Variants in DCLK3 observed in about 807,000 individuals in gnomAD.
The protein encoded by DCLK3 is serine/threonine-protein kinase DCLK3.
A neutral mutation model predicts 46.4 loss-of-function variants in DCLK3; 30 were observed. The observed-to-expected ratio is 0.65, with a 90% CI of 0.48 to 0.88. The LOEUF (loss-of-function observed/expected upper bound fraction) is 0.88. DCLK3 is among the 40% of genes least tolerant of loss of function. The probability of loss-of-function intolerance (pLI) is 0.00; values close to 1 mark genes in which losing one functional copy is unlikely to be tolerated. For synonymous variants in DCLK3, 401 were observed against 339.2 expected (o/e 1.18, Z -2.00); for missense variants, 846 against 907.1 (o/e 0.93, Z 0.87).
intron 2 of DCLK3, among the ~76,000 whole-genome samples, chr3:36,730,862 G>A (rs1385151678): frequency 6.6e-6 from 1 of 151,962 alleles, no homozygotes; most frequent in East Asian, 1.9e-4. Flanking sequence ...ATTAAGATGT[G>A]AGGAGCAAGT....
chr3:36,749,365 T>A (rs1361088464), intron 1 of DCLK3, among the ~76,000 whole-genome samples: 4 of 152,170 alleles, frequency 2.6e-5, no homozygotes, highest in Non-Finnish European at 5.9e-5. Context: ...CTAGGGGCCC[T>A]CCCCGCCCCA....
chr3:36,761,296 C>A (rs1368929784), intron 1 of DCLK3, among the ~76,000 whole-genome samples: 3 of 152,158 alleles, frequency 2.0e-5, no homozygotes, highest in African/African-American at 7.2e-5. Flanking sequence ...TCAAAGAACA[C>A]TCTGAGGCTG....
rs1394492938 is a variant in DCLK3, at chr3:36,721,608, G to A, written c.2011C>T (p.Leu671Phe). ...ATAGGTCTCACCACATGCTTTGCAA[G>A]TCCAAAATCAGCCAATTTCAAGGTA... ...STTLKLADFG[L>F]AKHVVRPIFT... The change falls in exon 3 of 5, where the codon CTT becomes TTT. Residue 671 changes from leucine to phenylalanine, a missense_variant. Leu to Phe is a conservative substitution (Grantham distance 22, BLOSUM62 0). Coordinates refer to ENST00000636136, the MANE Select transcript of DCLK3 (RefSeq NM_001394672.2). 1 of 1,614,186 alleles carries A rather than the reference G, an allele frequency of 6.2e-7. No individual in the cohort carries two copies. Among genetic ancestry groups the A allele is most frequent in the East Asian group, 2.2e-5 (1 of 44,880 alleles).
rs548828981 is a variant in DCLK3 at position 36,734,485 on chromosome 3, G to T, written c.1959+2723C>A. Reference sequence around the variant, plus strand: ...GCAGCTTTCTACAGTTTCTGAAGAAGCCATACCACCACAAAAAAAGTTATT... The same window carrying T: ...GCAGCTTTCTACAGTTTCTGAAGAATCCATACCACCACAAAAAAAGTTATT... On this transcript the variant is annotated intron_variant, in intron 2 of 4. Coordinates refer to ENST00000636136, the MANE Select transcript of DCLK3 (RefSeq NM_001394672.2). Among the ~76,000 whole-genome samples, 3 of 152,120 alleles carry T rather than the reference G, an allele frequency of 2.0e-5. No individual in the cohort carries two copies. In the South Asian group the frequency reaches 6.2e-4, roughly 32 times the overall value.
rs763250329 is a variant in DCLK3 at position 36,714,122 on chromosome 3, T to C, written c.*1206A>G. 1.3e-5 allele frequency: 2 copies of C among 152,274 alleles called. No individual in the cohort carries two copies. Among genetic ancestry groups the C allele is most frequent in the Non-Finnish European group, 2.9e-5 (2 of 68,062 alleles). The allele number at this position is 152,274 out of a possible 1,614,324, so 9.4% of individuals were successfully genotyped here. On this transcript the variant is annotated 3_prime_UTR_variant, in exon 5 of 5. Transcript: ENST00000636136. The stretch of plus-strand genomic sequence containing the variant: ...AACAGGAGCCACTTCCTGCAGTTAC[T>C]ATCTCTAAATTATACCAGAGCCTCC...
At chr3:36,733,103 C>T (rs973880439) in intron 2 of DCLK3, among the ~76,000 whole-genome samples, 1 of 152,142 alleles carries the variant, frequency 6.6e-6, no homozygotes, top group Non-Finnish European at 1.5e-5. Flanking sequence ...TTCCTAGAAC[C>T]AGCAGGAGGC....
rs192972168 is a variant in DCLK3 at position 36,744,335 on chromosome 3, T to A, written c.83-5251A>T. On this transcript the variant is annotated intron_variant, in intron 1 of 4. Transcript: ENST00000636136. ...TCCTGAATACATTAGATAAGTGAGGTGAAAAGAAAATATAATCACAAACAT... is the reference window on the plus strand; with the variant it reads ...TCCTGAATACATTAGATAAGTGAGGAGAAAAGAAAATATAATCACAAACAT... 1.8e-3 allele frequency among the ~76,000 whole-genome samples: 274 copies of A among 152,164 alleles called. 1 individual carries two copies. Among genetic ancestry groups the A allele is most frequent in the Non-Finnish European group, 3.0e-3 (204 of 67,986 alleles).
At chr3:36,759,387 G>A (rs912569854) in intron 1 of DCLK3, among the ~76,000 whole-genome samples, 1 of 152,266 alleles carries the variant, frequency 6.6e-6, no homozygotes, top group East Asian at 1.9e-4. Flanking sequence ...ATCTCTTCCT[G>A]CACTGGTGAC....
At position 36,721,865 on chromosome 3, in the gene DCLK3, T is replaced by C. The variant is rs575044597; in HGVS notation, c.1960-206A>G. ...TTAAGAACCAATGAGTTAGATTTAC[T>C]AGGCCGTCCAATATGGTAGCACCAT... On this transcript the variant is annotated intron_variant, in intron 2 of 4. Coordinates refer to ENST00000636136, the MANE Select transcript of DCLK3 (RefSeq NM_001394672.2). Among the ~76,000 whole-genome samples the C allele has an allele frequency of 3.9e-5, 6 of 152,328 alleles. No homozygotes were observed. In the East Asian group the frequency reaches 9.6e-4, roughly 24 times the overall value.
intron 3 of DCLK3, among the ~76,000 whole-genome samples, chr3:36,720,647 G>A (rs1483294715): frequency 2.6e-5 from 4 of 152,022 alleles, no homozygotes; most frequent in Non-Finnish European, 5.9e-5. Flanking sequence ...TCAGATTACA[G>A]GCATGTGCCA....
chr3:36,760,195 C>T (rs1015652401), intron 1 of DCLK3, among the ~76,000 whole-genome samples: 3 of 152,138 alleles, frequency 2.0e-5, no homozygotes, highest in African/African-American at 4.8e-5. Context: ...GAGGCCTGAA[C>T]CCTCCCCATC....
At chr3:36,749,691 G>A (rs964288783) in intron 1 of DCLK3, among the ~76,000 whole-genome samples, 9 of 152,178 alleles carry the variant, frequency 5.9e-5, no homozygotes, top group Non-Finnish European at 1.0e-4. Context: ...AAACTTCCAC[G>A]ATCCATTCAT....
chr3:36,746,349 C>T (rs958338079), intron 1 of DCLK3, among the ~76,000 whole-genome samples: 1 of 152,194 alleles, frequency 6.6e-6, no homozygotes, highest in African/African-American at 2.4e-5. Context: ...TTGACTGCTC[C>T]ATCTCATGAT....
chr3:36,714,069 C>G lies in DCLK3; in HGVS notation c.*1259G>C, dbSNP rs1201794544. The G allele has an allele frequency of 6.6e-6, 1 of 152,204 alleles. No individual in the cohort carries two copies. The highest frequency in any genetic ancestry group is 2.4e-5 in the African/African-American group (1 of 41,448). 9.4% of individuals were successfully genotyped at this position (152,204 alleles called of 1,614,324 possible). A position where few individuals can be genotyped will look rare whatever the true frequency, so the allele number is the denominator to read the frequency against. ...TTCTCCTTCAATAGGTTCTAATAACCCCAACTTCTTCCCTTGGTTCTCCAA... is the reference window on the plus strand; with the variant it reads ...TTCTCCTTCAATAGGTTCTAATAACGCCAACTTCTTCCCTTGGTTCTCCAA... On this transcript the variant is annotated 3_prime_UTR_variant, in exon 5 of 5. Coordinates refer to ENST00000636136, the MANE Select transcript of DCLK3 (RefSeq NM_001394672.2).
chr3:36,746,133 C>T (rs534241628), intron 1 of DCLK3, among the ~76,000 whole-genome samples: 1 of 152,288 alleles, frequency 6.6e-6, no homozygotes, highest in African/African-American at 2.4e-5. Context: ...GAGACTTTTT[C>T]CTGCTCTTAT....
rs925650241 is a variant in DCLK3, at chr3:36,712,551, G to T, written c.*2777C>A. ...TTATTACATTCAAGAAAATGAACAC[G>T]TCCCTCTTCCCCAAAGTTACCAAGT... is the stretch of plus-strand genomic sequence containing the variant. On this transcript the variant is annotated 3_prime_UTR_variant, in exon 5 of 5. Coordinates refer to ENST00000636136, the MANE Select transcript of DCLK3 (RefSeq NM_001394672.2). 6.6e-6 allele frequency: 1 copy of T among 152,004 alleles called. No individual in the cohort carries two copies. Among genetic ancestry groups the T allele is most frequent in the African/African-American group, 2.4e-5 (1 of 41,370 alleles). 9.4% of individuals were successfully genotyped at this position (152,004 alleles called of 1,614,324 possible).
chr3:36,726,682 T>C (rs995518406), intron 2 of DCLK3, among the ~76,000 whole-genome samples: 1 of 152,294 alleles, frequency 6.6e-6, no homozygotes, highest in Non-Finnish European at 1.5e-5. Flanking sequence ...TGTGTCTTAA[T>C]TGCTGAGCCC....
At chr3:36,762,491 C>T (rs1701548656) in intron 1 of DCLK3, among the ~76,000 whole-genome samples, 1 of 152,146 alleles carries the variant, frequency 6.6e-6, no homozygotes, top group South Asian at 2.1e-4. Flanking sequence ...GTCAATTTGA[C>T]ACAACTCCAC....
At chr3:36,747,006 G>A (rs56897773) in intron 1 of DCLK3, among the ~76,000 whole-genome samples, 10,902 of 152,230 alleles carry the variant, frequency 0.072, 847 homozygotes, top group African/African-American at 0.2. Flanking sequence ...TTTTGGGAGT[G>A]CAAGTTGCCT....
Sources: gnomAD v4.1 joint callset for allele counts (sites outside exome capture counted in the v4.1 genomes callset) on GRCh38, gnomAD v4.1.1 for gene constraint, MANE v1.5 for transcripts, NCBI Gene and HGNC (gene_info 2026-07-23, HGNC 2026-07-21) for gene names.